The following GLI3 variants were observed in gnomAD, a reference collection of about 807,000 sequenced individuals.
GLI3 encodes transcription activator GLI3.
A neutral mutation model predicts 100.8 loss-of-function variants in GLI3; 20 were observed. The ratio of observed to expected loss-of-function variants is 0.20; its 90% confidence interval spans 0.14 to 0.29. The LOEUF (loss-of-function observed/expected upper bound fraction) is 0.29. Among genes scored for constraint, GLI3 ranks in the 10% least tolerant of loss-of-function variants. GLI3 has a pLI of 1.00. For synonymous variants in GLI3, 938 were observed against 860.5 expected (o/e 1.09, Z -1.58); for missense variants, 2,040 against 2,128.5 (o/e 0.96, Z 0.82).
chr7:42,058,354 T>C (rs891418094), intron 4 of GLI3, among the ~76,000 whole-genome samples: 3 of 152,236 alleles, frequency 2.0e-5, no homozygotes, highest in African/African-American at 7.2e-5. Flanking sequence ...CATCATTTAC[T>C]GAGCTACATG....
At chr7:42,110,484 A>G (rs1179168370) in intron 3 of GLI3, among the ~76,000 whole-genome samples, 1 of 152,200 alleles carries the variant, frequency 6.6e-6, no homozygotes, top group Admixed American at 6.5e-5. Context: ...ATTTCCACAT[A>G]CAATCACCTA....
chr7:42,070,529 A>T (rs1323266468), intron 4 of GLI3, among the ~76,000 whole-genome samples: 1 of 152,210 alleles, frequency 6.6e-6, no homozygotes, highest in Non-Finnish European at 1.5e-5. Context: ...CCTACTTGTA[A>T]GCTGAGTAAC....
intron 10 of GLI3, 152 bp downstream of exon 10, chr7:42,023,316 G>C: frequency 2.7e-6 from 2 of 737,794 alleles, no homozygotes; most frequent in Non-Finnish European, 4.5e-6. Context: ...CCGTGGCTCC[G>C]AGTTTTCTTT....
intron 10 of GLI3, among the ~76,000 whole-genome samples, chr7:42,018,682 T>C (rs868628901): frequency 6.6e-6 from 1 of 152,320 alleles, no homozygotes; most frequent in Middle Eastern, 3.4e-3. Context: ...GCAAAGGTGA[T>C]TATGACTGTG....
chr7:42,262,010 T>TTTCC (rs951594156), intron 1 of GLI3, among the ~76,000 whole-genome samples: 4 of 140,608 alleles, frequency 2.8e-5, no homozygotes, highest in African/African-American at 1.0e-4. Flanking sequence ...CTTTTCTTTC[T>TTTCC]TTCCTTCCTC....
In GLI3 at chr7:42,094,295, A is replaced by G. The variant is rs563068118; in HGVS notation, c.368-17438T>C. 2.6e-5 allele frequency among the ~76,000 whole-genome samples: 4 copies of G among 152,332 alleles called. No individual in the cohort carries two copies. The South Asian group carries it at 6.2e-4, about 24-fold the overall frequency. Reference sequence around the variant, plus strand: ...GATTCAGTAAGTAGTTGCTGAATACAGGAACAAGTCAAAACCAATTCACTA... The same window carrying G: ...GATTCAGTAAGTAGTTGCTGAATACGGGAACAAGTCAAAACCAATTCACTA... On this transcript the variant is annotated intron_variant, in intron 3 of 14. Transcript: ENST00000395925.
chr7:42,206,740 T>C (rs750564773), intron 2 of GLI3, among the ~76,000 whole-genome samples: 64 of 152,128 alleles, frequency 4.2e-4, no homozygotes, highest in Non-Finnish European at 1.3e-4. Flanking sequence ...AACAAAAGAA[T>C]AGACAGGTTG....
In GLI3 at chr7:42,041,220, C is replaced by T. The variant is rs376148544; in HGVS notation, c.827-981G>A. Among the ~76,000 whole-genome samples the T allele has an allele frequency of 2.0e-5, 3 of 152,176 alleles. No homozygotes were observed. The East Asian group carries it at 5.8e-4, about 29-fold the overall frequency. ...GTAATAAATTTATTAGAATTTTTAA[C>T]CTTCAAGAAGATTCCACTGATGGAG... On this transcript the variant is annotated intron_variant, in intron 6 of 14. Transcript: ENST00000395925.
At chr7:42,116,379 C>A (rs1300179491) in intron 3 of GLI3, among the ~76,000 whole-genome samples, 1 of 151,640 alleles carries the variant, frequency 6.6e-6, no homozygotes. Context: ...ATAAACAACA[C>A]TTATCCTCAG....
intron 10 of GLI3, among the ~76,000 whole-genome samples, chr7:42,017,493 C>T (rs544494974): frequency 6.6e-5 from 10 of 152,284 alleles, no homozygotes; most frequent in Admixed American, 6.5e-5. Flanking sequence ...ACTCCCAGCC[C>T]ACCCCAAACT....
At chr7:42,067,430 G>C (rs1423642082) in intron 4 of GLI3, among the ~76,000 whole-genome samples, 1 of 152,154 alleles carries the variant, frequency 6.6e-6, no homozygotes, top group East Asian at 1.9e-4. Context: ...TTTTGCAAAT[G>C]AGGCAATTCA....
At chr7:42,262,232 C>CCTTCCTTCCTTCCTTCCTTCCTTCCTTT (rs1789152217) in intron 1 of GLI3, among the ~76,000 whole-genome samples, 1 of 137,820 alleles carries the variant, frequency 7.3e-6, no homozygotes, top group African/African-American at 3.1e-5. Flanking sequence ...TTCTTTCCTT[C>CCTTCCTTCCTTCCTTCCTTCCTTCCTTT]CTTCCTTCCT....
chr7:42,061,181 G>A (rs1178512109), intron 4 of GLI3, among the ~76,000 whole-genome samples: 1 of 152,078 alleles, frequency 6.6e-6, no homozygotes, highest in African/African-American at 2.4e-5. Flanking sequence ...TTAATCTTGG[G>A]TCTGGTGGCA....
intron 7 of GLI3, among the ~76,000 whole-genome samples, chr7:42,036,279 C>A (rs190291550): frequency 6.6e-6 from 1 of 152,148 alleles, no homozygotes; most frequent in East Asian, 1.9e-4. Flanking sequence ...TTTCAGAAAG[C>A]CAGAATTATT....
chr7:42,001,205 C>T (rs1265895219), intron 10 of GLI3, among the ~76,000 whole-genome samples: 1 of 141,494 alleles, frequency 7.1e-6, no homozygotes, highest in Non-Finnish European at 1.5e-5. Flanking sequence ...AGATCACACT[C>T]CAGCCTGGGC....
At chr7:42,109,489 T>A (rs1785652781) in intron 3 of GLI3, among the ~76,000 whole-genome samples, 1 of 152,268 alleles carries the variant, frequency 6.6e-6, no homozygotes, top group East Asian at 1.9e-4. Flanking sequence ...CTGTAATGAA[T>A]GAGAGCATAA....
chr7:42,111,477 C>T (rs1445265264), intron 3 of GLI3, among the ~76,000 whole-genome samples: 7 of 152,118 alleles, frequency 4.6e-5, no homozygotes, highest in Non-Finnish European at 1.0e-4. Flanking sequence ...GTATGAAGGA[C>T]AGACTGGAGA....
intron 2 of GLI3, among the ~76,000 whole-genome samples, chr7:42,213,108 T>C (rs1035901730): frequency 6.6e-6 from 1 of 152,238 alleles, no homozygotes; most frequent in African/African-American, 2.4e-5. Context: ...GGAAAGAATC[T>C]GTGGATTTTT....
upstream of GLI3, among the ~76,000 whole-genome samples, chr7:42,242,528 A>C (rs532306519): frequency 1.2e-4 from 18 of 152,284 alleles, no homozygotes; most frequent in Admixed American, 6.5e-4. Context: ...TTCTCTAGTC[A>C]TGCCCCCGTA....
Sources: allele counts gnomAD v4.1 joint callset (sites outside exome capture counted in the v4.1 genomes callset), GRCh38; gene constraint gnomAD v4.1.1; transcripts MANE v1.5; gene names NCBI Gene and HGNC (gene_info 2026-07-23, HGNC 2026-07-21).